Variants in CADM2 observed in about 807,000 individuals in gnomAD.
CADM2 encodes the protein immunoglobulin superfamily member 4D.
A neutral mutation model predicts 49.8 loss-of-function variants in CADM2; 12 were observed. The observed-to-expected ratio is 0.24, with a 90% CI of 0.15 to 0.39. The LOEUF (loss-of-function observed/expected upper bound fraction) is 0.39, where lower values mean the gene tolerates loss of function less well. CADM2 is among the 10% of genes least tolerant of loss of function. The probability of loss-of-function intolerance (pLI) is 1.00; values close to 1 mark genes in which losing one functional copy is unlikely to be tolerated. For synonymous variants in CADM2, 214 were observed against 175.4 expected, an observed-to-expected ratio of 1.22 and a Z score of -1.74; for missense variants, 378 against 492.3, an observed-to-expected ratio of 0.77 and a Z score of 2.20.
intron 3 of CADM2, among the ~76,000 whole-genome samples, chr3:85,873,677 A>T (rs956993187): frequency 2.6e-5 from 4 of 152,196 alleles, no homozygotes; most frequent in Non-Finnish European, 4.4e-5. Flanking sequence ...TCAAAAAAAT[A>T]AAATTAAATT....
chr3:85,086,138 T>C (rs915871831), intron 1 of CADM2, among the ~76,000 whole-genome samples: 3 of 151,966 alleles, frequency 2.0e-5, no homozygotes, highest in Non-Finnish European at 4.4e-5. Flanking sequence ...CATTACTAAA[T>C]AGGAAAAAAA....
chr3:85,216,781 A>G (rs1261518284), intron 1 of CADM2, among the ~76,000 whole-genome samples: 1 of 152,138 alleles, frequency 6.6e-6, no homozygotes, highest in African/African-American at 2.4e-5. Context: ...AACTATTTGC[A>G]TCATTATGTA....
intron 3 of CADM2, among the ~76,000 whole-genome samples, chr3:85,860,517 G>C (rs903902497): frequency 1.3e-5 from 2 of 152,090 alleles, no homozygotes; most frequent in African/African-American, 4.8e-5. Flanking sequence ...TATAAACAAC[G>C]GAAGTTTATT....
intron 1 of CADM2, among the ~76,000 whole-genome samples, chr3:85,439,654 G>C (rs944099147): frequency 6.6e-6 from 1 of 151,930 alleles, no homozygotes; most frequent in African/African-American, 2.4e-5. Context: ...TCAATCAACA[G>C]TTTCATCATC....
chr3:85,765,799 T>A (rs893339118), intron 2 of CADM2, among the ~76,000 whole-genome samples: 1 of 152,068 alleles, frequency 6.6e-6, no homozygotes, highest in Non-Finnish European at 1.5e-5. Context: ...AAATGTCCTG[T>A]GTAGGGTAAT....
intron 1 of CADM2, among the ~76,000 whole-genome samples, chr3:85,452,089 T>C (rs1396624439): frequency 1.3e-5 from 2 of 152,132 alleles, no homozygotes; most frequent in African/African-American, 4.8e-5. Context: ...GCTCAAATAA[T>C]ATATTGCCTT....
At chr3:85,629,665 C>G (rs1186372663) in intron 1 of CADM2, among the ~76,000 whole-genome samples, 1 of 151,894 alleles carries the variant, frequency 6.6e-6, no homozygotes. Context: ...AATAAAGTTT[C>G]TTTAGACACA....
chr3:85,135,587 GTGAAAAA>G (rs1405016663), intron 1 of CADM2, among the ~76,000 whole-genome samples: 1 of 152,072 alleles, frequency 6.6e-6, no homozygotes, highest in Non-Finnish European at 1.5e-5. Flanking sequence ...CTTTACAGGT[GTGAAAAA>G]TTAGCCTCAA....
chr3:85,918,355 T>G (rs1247183120), intron 6 of CADM2, among the ~76,000 whole-genome samples: 1 of 152,236 alleles, frequency 6.6e-6, no homozygotes, highest in Non-Finnish European at 1.5e-5. Flanking sequence ...TGTGAGTTTT[T>G]AACATGAAAG....
chr3:85,241,052 A>G (rs2042519468), intron 1 of CADM2, among the ~76,000 whole-genome samples: 1 of 151,486 alleles, frequency 6.6e-6, no homozygotes, highest in East Asian at 1.9e-4. Context: ...AGCATATAGA[A>G]AAGAAAACTA....
At chr3:85,591,902 G>A (rs938091413) in intron 1 of CADM2, among the ~76,000 whole-genome samples, 6 of 151,890 alleles carry the variant, frequency 4.0e-5, no homozygotes, top group Non-Finnish European at 7.4e-5. Flanking sequence ...GCAGATTGTC[G>A]AATAGAAATT....
At chr3:85,727,113 C>A (rs2067732973) in intron 2 of CADM2, among the ~76,000 whole-genome samples, 1 of 152,028 alleles carries the variant, frequency 6.6e-6, no homozygotes, top group African/African-American at 2.4e-5. Flanking sequence ...TATTTTGGCT[C>A]CATGTGTCCC....
chr3:85,565,871 C>A (rs1052605318), intron 1 of CADM2, among the ~76,000 whole-genome samples: 10 of 127,218 alleles, frequency 7.9e-5, no homozygotes, highest in Non-Finnish European at 1.4e-4. Context: ...CCATCGTTTT[C>A]TTTTAACTTA....
chr3:85,999,767 T>G (rs1229074557), intron 8 of CADM2, among the ~76,000 whole-genome samples: 1 of 152,030 alleles, frequency 6.6e-6, no homozygotes, highest in East Asian at 1.9e-4. Flanking sequence ...ATGAAGTGAT[T>G]AGATAAAAGT....
intron 1 of CADM2, among the ~76,000 whole-genome samples, chr3:85,214,720 T>G (rs2041880425): frequency 6.6e-6 from 1 of 151,904 alleles, no homozygotes; most frequent in Admixed American, 6.6e-5. Context: ...GAGCAGTCTC[T>G]CCCCATGGCC....
intron 1 of CADM2, among the ~76,000 whole-genome samples, chr3:85,355,096 C>T (rs1043750806): frequency 2.0e-5 from 3 of 152,026 alleles, no homozygotes; most frequent in Non-Finnish European, 4.4e-5. Context: ...CCTCATTGTG[C>T]ACACTCTGTG....
chr3:85,997,650 A>G (rs1352350678), intron 8 of CADM2, among the ~76,000 whole-genome samples: 2 of 152,176 alleles, frequency 1.3e-5, no homozygotes, highest in African/African-American at 2.4e-5. Flanking sequence ...TACTTGTGCA[A>G]TTGTGTTATA....
intron 1 of CADM2, among the ~76,000 whole-genome samples, chr3:85,212,404 T>A (rs1458157643): frequency 6.6e-6 from 1 of 152,156 alleles, no homozygotes; most frequent in Non-Finnish European, 1.5e-5. Flanking sequence ...TCCAGTGGCA[T>A]GTTTTATTCT....
At chr3:85,512,097 C>T (rs1301297403) in intron 1 of CADM2, among the ~76,000 whole-genome samples, 1 of 151,856 alleles carries the variant, frequency 6.6e-6, no homozygotes, top group Non-Finnish European at 1.5e-5. Context: ...ATATTGATCC[C>T]CATCACCCAG....
Sources: gnomAD v4.1 joint callset for allele counts (sites outside exome capture counted in the v4.1 genomes callset) on GRCh38, gnomAD v4.1.1 for gene constraint, MANE v1.5 for transcripts, NCBI Gene and HGNC (gene_info 2026-07-23, HGNC 2026-07-21) for gene names.